Variants in RPL38 observed in about 807,000 individuals in gnomAD.
RPL38 encodes the protein ribosomal protein L38, also known as large ribosomal subunit protein eL38.
In RPL38, 2 loss-of-function variants were observed where a neutral mutation model predicts 12.8. The observed-to-expected ratio is 0.16, with a 90% confidence interval of 0.06 to 0.49. RPL38 has a LOEUF of 0.49. RPL38 is among the 20% of genes least tolerant of loss of function. The pLI is 0.96. For missense variants in RPL38, 52 were observed against 79.8 expected (o/e 0.65, Z 1.33); for synonymous variants, 42 against 30.1 (o/e 1.39, Z -1.29).
chr17:74,208,298 G>A (rs115453288), intron 3 of RPL38, among the ~76,000 whole-genome samples: 1 of 152,164 alleles, frequency 6.6e-6, no homozygotes, highest in African/African-American at 2.4e-5. Context: ...CAGCCAGATG[G>A]CCATGCATTG....
intron 3 of RPL38, among the ~76,000 whole-genome samples, chr17:74,207,805 T>C (rs753268040): frequency 6.6e-6 from 1 of 152,158 alleles, no homozygotes; most frequent in Non-Finnish European, 1.5e-5. Flanking sequence ...CGCACCCAAC[T>C]GAATAAACAT....
intron 3 of RPL38, among the ~76,000 whole-genome samples, chr17:74,208,478 G>C (rs116036188): frequency 1.3e-5 from 2 of 152,174 alleles, no homozygotes; most frequent in African/African-American, 2.4e-5. Context: ...CCCTGGGTGC[G>C]TGTTGTGCGC....
In RPL38 at chr17:74,203,758, A is replaced by C. The variant is rs1274210562; in HGVS notation, c.-39+13A>C. The C allele has an allele frequency of 1.6e-6, 1 of 633,328 alleles. No individual in the cohort carries two copies. The highest frequency in any genetic ancestry group is 2.8e-6 in the Non-Finnish European group (1 of 358,860). 39.2% of individuals were successfully genotyped at this position (633,328 alleles called of 1,614,324 possible). A position where few individuals can be genotyped will look rare whatever the true frequency, so the allele number is the denominator to read the frequency against. On this transcript the variant is annotated intron_variant, in intron 1 of 4. Transcript: ENST00000311111. ...GTGGGTGAGAAAGGTAATCTGGGGC[A>C]ATCCACTGCCAGGTGAAATCTGGGG...
Position 74,203,944 on chromosome 17 carries a change from C to G in RPL38, c.-12C>G, listed in dbSNP as rs376925682. 2 of 1,605,590 alleles carry G rather than the reference C, an allele frequency of 1.2e-6. No individual in the cohort carries two copies. On this transcript the variant is annotated 5_prime_UTR_variant, in exon 2 of 5. Coordinates refer to ENST00000311111, the MANE Select transcript of RPL38 (RefSeq NM_000999.4). ...TCCTGGTCCGCGCCAGAGCCCAGCGCGCCTCGTCGCCATGGTGAGTACAGT... is the reference window on the plus strand; with the variant it reads ...TCCTGGTCCGCGCCAGAGCCCAGCGGGCCTCGTCGCCATGGTGAGTACAGT...
At position 74,203,910 on chromosome 17, in the gene RPL38, T is replaced by A. The variant is rs762367110; in HGVS notation, c.-38-8T>A. 1 of 1,584,534 alleles carries A rather than the reference T, an allele frequency of 6.3e-7. No individual in the cohort carries two copies. Among genetic ancestry groups the A allele is most frequent in the Non-Finnish European group, 8.6e-7 (1 of 1,162,670 alleles). On this transcript the variant is annotated splice_region_variant and splice_polypyrimidine_tract_variant and intron_variant, in intron 1 of 4. Coordinates refer to ENST00000311111, the MANE Select transcript of RPL38 (RefSeq NM_000999.4). Reference sequence around the variant, plus strand: ...CGCCGTGTTAACGCCGAGGACTGTTTCCCGCAGGTCCTGGTCCGCGCCAGA... The same window carrying A: ...CGCCGTGTTAACGCCGAGGACTGTTACCCGCAGGTCCTGGTCCGCGCCAGA...
intron 3 of RPL38, among the ~76,000 whole-genome samples, chr17:74,208,729 A>G (rs1351923861): frequency 6.6e-6 from 1 of 152,188 alleles, no homozygotes; most frequent in East Asian, 1.9e-4. Context: ...AGGTCCAGAG[A>G]TTAAGACCAT....
intron 3 of RPL38, among the ~76,000 whole-genome samples, chr17:74,207,842 A>C (rs1187486861): frequency 1.3e-5 from 2 of 152,156 alleles, no homozygotes; most frequent in African/African-American, 4.8e-5. Flanking sequence ...TGTCTTTACA[A>C]GTGGTGTTCA....
chr17:74,209,976 G>GTT lies in RPL38; in HGVS notation c.*148_*149insTT. 9.7e-6 allele frequency: 4 copies of GTT among 414,220 alleles called. No homozygotes were observed. The highest frequency in any genetic ancestry group is 1.7e-5 in the Non-Finnish European group (4 of 239,814). The allele number at this position is 414,220 out of a possible 1,614,324, so 25.7% of individuals were successfully genotyped here. A position where few individuals can be genotyped will look rare whatever the true frequency, so the allele number is the denominator to read the frequency against. On this transcript the variant is annotated 3_prime_UTR_variant, in exon 5 of 5. Transcript: ENST00000311111. Reference sequence around the variant, plus strand: ...GCGGGTTCTGTTGCTGCCTTCCTGTGTCTTTTTTTTTTTTTTTTTTTCTTT... The same window carrying GTT: ...GCGGGTTCTGTTGCTGCCTTCCTGTGTTTCTTTTTTTTTTTTTTTTTTTCTTT...
chr17:74,206,879 ATTTT>A (rs752979571), intron 3 of RPL38, among the ~76,000 whole-genome samples: 9 of 140,184 alleles, frequency 6.4e-5, no homozygotes, highest in Non-Finnish European at 1.4e-4. Flanking sequence ...TGCCGGGCTA[ATTTT>A]TTTTTTTTTT....
intron 3 of RPL38, among the ~76,000 whole-genome samples, chr17:74,208,399 T>C (rs992291196): frequency 3.3e-5 from 5 of 152,194 alleles, no homozygotes; most frequent in African/African-American, 1.2e-4. Context: ...GTCTGAGCCA[T>C]GATCCTGAAA....
chr17:74,206,879 ATTT>A (rs752979571), intron 3 of RPL38, among the ~76,000 whole-genome samples: 1 of 140,188 alleles, frequency 7.1e-6, no homozygotes, highest in Non-Finnish European at 1.6e-5. Flanking sequence ...TGCCGGGCTA[ATTT>A]TTTTTTTTTT....
intron 3 of RPL38, chr17:74,204,812 C>T (rs2050097118): frequency 6.6e-6 from 1 of 152,198 alleles, no homozygotes; most frequent in Admixed American, 6.5e-5. Context: ...AGCGATCCCC[C>T]TGCCTCAAAG....
intron 3 of RPL38, 35 bp downstream of exon 3, chr17:74,204,225 TGCCTAGCCTGGCACCGCTCCGGGAGCGTC>T (rs1377332658): frequency 3.1e-6 from 5 of 1,600,474 alleles, no homozygotes; most frequent in Admixed American, 1.7e-5. Context: ...AGAAGAGCGG[TGCCTAGCCTGGCACCGCTCCGGGAGCGTC>T]TTCCCCGGAA....
rs762315290 is a variant in RPL38 at position 74,210,368 on chromosome 17, T to C, written c.*539T>C. 1 of 153,084 alleles carries C rather than the reference T, an allele frequency of 6.5e-6. No homozygotes were observed. The highest frequency in any genetic ancestry group is 1.5e-5 in the Non-Finnish European group (1 of 68,674). 9.5% of individuals were successfully genotyped at this position (153,084 alleles called of 1,614,324 possible). On this transcript the variant is annotated 3_prime_UTR_variant, in exon 5 of 5. Transcript: ENST00000311111. ...CGTGGGGTTAAACATAACTGGCAGATGTGGGAGCGATGGTGGGGCATGCCA... is the reference window on the plus strand; with the variant it reads ...CGTGGGGTTAAACATAACTGGCAGACGTGGGAGCGATGGTGGGGCATGCCA...
chr17:74,207,948 A>C (rs1598206321), intron 3 of RPL38, among the ~76,000 whole-genome samples: 1 of 152,246 alleles, frequency 6.6e-6, no homozygotes, highest in East Asian at 1.9e-4. Flanking sequence ...GAGTCCAGGC[A>C]GCCCGTGCCT....
At chr17:74,207,185 G>C (rs992620783) in intron 3 of RPL38, among the ~76,000 whole-genome samples, 1 of 151,660 alleles carries the variant, frequency 6.6e-6, no homozygotes, top group African/African-American at 2.4e-5. Context: ...CTAATTTTTG[G>C]TGTTTTAGAG....
chr17:74,204,111 C>T lies in RPL38; in HGVS notation c.4-19C>T, dbSNP rs200460243. ...CGTGTCTCTTTCCTCTCTGTTCACC[C>T]GCTTCCTTTGTGTTGCAGCCTCGGA... On this transcript the variant is annotated intron_variant, in intron 2 of 4. Coordinates refer to ENST00000311111, the MANE Select transcript of RPL38 (RefSeq NM_000999.4). 2.1e-4 allele frequency: 346 copies of T among 1,614,074 alleles called. 1 individual carries two copies. In the African/African-American group the frequency reaches 4.1e-3, roughly 19 times the overall value.
intron 3 of RPL38, chr17:74,204,587 C>A (rs1365726276): frequency 3.7e-6 from 1 of 269,142 alleles, no homozygotes; most frequent in East Asian, 9.5e-5. Flanking sequence ...TGGATATTTG[C>A]ATGTAATGTA....
chr17:74,206,083 G>T, intron 3 of RPL38: 1 of 152,292 alleles, frequency 6.6e-6, no homozygotes. Flanking sequence ...ACAGTCCCCT[G>T]GGGACAGTAA....
Sources: gnomAD v4.1 joint callset for allele counts (sites outside exome capture counted in the v4.1 genomes callset) on GRCh38, gnomAD v4.1.1 for gene constraint, MANE v1.5 for transcripts, NCBI Gene and HGNC (gene_info 2026-07-23, HGNC 2026-07-21) for gene names.